ULK3: variants seen among roughly 807,000 people sequenced by gnomAD.
The protein encoded by ULK3 is unc-51 like kinase 3, also known as serine/threonine-protein kinase ULK3.
In ULK3, 54 loss-of-function variants were observed where a neutral mutation model predicts 69.4. The ratio of observed to expected loss-of-function variants is 0.78; its 90% CI spans 0.63 to 0.98. ULK3 has a LOEUF of 0.98. Among genes scored for constraint, ULK3 ranks in the 50% least tolerant of loss-of-function variants. The pLI is 0.00. For missense variants in ULK3, 558 were observed against 627.7 expected (o/e 0.89, Z 1.19); for synonymous variants, 240 against 254.5 (o/e 0.94, Z 0.54).
At chr15:74,840,372 C>T (rs1280957727) in intron 5 of ULK3, 56 bp from the exon 6 acceptor site, 24 of 1,577,294 alleles carry the variant, frequency 1.5e-5, no homozygotes, top group African/African-American at 5.4e-5. Context: ...CCTGGCCTGA[C>T]GCCCCTCAGC....
intron 13 of ULK3, 88 bp downstream of exon 13, chr15:74,838,064 T>A: frequency 1.3e-6 from 2 of 1,522,076 alleles, no homozygotes; most frequent in South Asian, 2.5e-5. Flanking sequence ...AGTGGGACAT[T>A]CCAGAGGGAA....
chr15:74,838,657 CG>C lies in ULK3; in HGVS notation c.1087del (p.Arg363GlufsTer15). 6.2e-7 allele frequency: 1 copy of C among 1,611,458 alleles called. No individual in the cohort carries two copies. Among genetic ancestry groups the C allele is most frequent in the Non-Finnish European group, 8.5e-7 (1 of 1,178,726 alleles). ...CCGGAGTCTACCTCTGAGCAGGTCT[CG>C]GGCAGAGGTCCCCTGCCTCAGCAGG... ...QALLRQGTSA[R>X]DLLREMARDK... On this transcript the variant is annotated frameshift_variant, in exon 10 of 16. Transcript: ENST00000440863. LOFTEE classifies it high-confidence loss of function.
At position 74,841,429 on chromosome 15, in the gene ULK3, C is replaced by A. The variant is rs2039474110; in HGVS notation, c.445G>T (p.Glu149Ter). 9 of 1,613,894 alleles carry A rather than the reference C, an allele frequency of 5.6e-6. No individual in the cohort carries two copies. The highest frequency in any genetic ancestry group is 7.6e-6 in the Non-Finnish European group (9 of 1,179,862). Residue 149 changes from glutamate (E) to a stop codon, truncating the protein, a stop_gained, in exon 4 of 16, where the codon GAG becomes TAG. Transcript: ENST00000440863. LOFTEE classifies it high-confidence loss of function. The stretch of plus-strand genomic sequence containing the variant: ...CCTGCCAGTTTTAGGTGGGGCTTCT[C>A]CAAGGAGCTCAGTAGAATGTTCTGT... ...KPQNILLSSL[E>*]KPHLKLADFG...
At position 74,842,711 on chromosome 15, in the gene ULK3, T is replaced by G; in HGVS notation, c.103-291A>C. ...CCGGCAGAGGCATGTCACTCAGGGT[T>G]CTAGAACCGCCCACTCTGCCTCCCA... is the stretch of plus-strand genomic sequence containing the variant. On this transcript the variant is annotated intron_variant, in intron 1 of 15. Coordinates refer to ENST00000440863, the MANE Select transcript of ULK3 (RefSeq NM_001099436.4). This position sits in a 1 kb window ranked among gnomAD's most constrained non-coding sequence, Gnocchi z 4.9. The G allele has an allele frequency of 6.6e-7, 1 of 1,526,160 alleles. No individual in the cohort carries two copies. The highest frequency in any genetic ancestry group is 2.5e-5 in the East Asian group (1 of 40,600). 94.5% of individuals were successfully genotyped at this position (1,526,160 alleles called of 1,614,324 possible).
rs558175412 is a variant in ULK3 at position 74,839,761 on chromosome 15, C to T, written c.697-48G>A. On this transcript the variant is annotated intron_variant, in intron 6 of 15. Coordinates refer to ENST00000440863, the MANE Select transcript of ULK3 (RefSeq NM_001099436.4). ...GACAGATCACACTGGGCTCCTCCAC[C>T]CCTACCCCTAGCCCAGGGGTCTGCG... 1,790 of 1,475,902 alleles carry T rather than the reference C, an allele frequency of 1.2e-3. 12 individuals carry two copies. The East Asian group carries it at 0.022, about 18-fold the overall frequency. The allele number at this position is 1,475,902 out of a possible 1,614,324, so 91.4% of individuals were successfully genotyped here.
Position 74,838,333 on chromosome 15 carries a change from G to A in ULK3, c.1179C>T (p.Ala393=), listed in dbSNP as rs55817344. The A allele has an allele frequency of 9.8e-5, 154 of 1,568,326 alleles. No individual in the cohort carries two copies. The highest frequency in any genetic ancestry group is 5.0e-4 in the Middle Eastern group (3 of 5,968). The change falls in exon 12 of 16, where the codon GCC becomes GCT. Residue 393 remains alanine (A), a synonymous_variant. Coordinates refer to ENST00000440863, the MANE Select transcript of ULK3 (RefSeq NM_001099436.4). ...GGTCCAGGGCATCCTGCTCCCCGCC[G>A]GCGGCCTCCTCCTGCAGCCACAAGG... ...ASAAMAKEEA[A]GGEQDALDLY...
rs543236726 is a variant in ULK3, at chr15:74,838,979, CCCCCACTTCCT to C, written c.999+20_999+30del. The C allele has an allele frequency of 3.8e-4, 611 of 1,587,636 alleles. 6 individuals are homozygous for C. In the Admixed American group the frequency reaches 0.01, roughly 27 times the overall value. On this transcript the variant is annotated intron_variant, in intron 9 of 15. Transcript: ENST00000440863. ...AGATCTCCGGGCCTTACCCCCTGCC[CCCCCACTTCCT>C]CATGGGGACTCTCACCCACCTTTGC... is the stretch of plus-strand genomic sequence containing the variant.
chr15:74,838,234 G>GC, intron 12 of ULK3, 32 bp downstream of exon 12: 1 of 1,564,668 alleles, frequency 6.4e-7, no homozygotes, highest in Non-Finnish European at 8.7e-7. Flanking sequence ...GTGGCCAGAG[G>GC]CCCTGTGGGG....
At chr15:74,837,314 GC>G in intron 15 of ULK3, 54 bp downstream of exon 15, 1 of 1,612,674 alleles carries the variant, frequency 6.2e-7, no homozygotes, top group Non-Finnish European at 8.5e-7. Flanking sequence ...AGAACCCAGG[GC>G]CCCCAGCCCT....
intron 10 of ULK3, 25 bp from the exon 11 acceptor site, chr15:74,838,529 G>A (rs976130369): frequency 1.0e-5 from 16 of 1,567,758 alleles, no homozygotes; most frequent in Middle Eastern, 3.3e-4. Context: ...AAGGCTCAGG[G>A]TGAGGGAAGC....
intron 14 of ULK3, 55 bp downstream of exon 14, chr15:74,837,696 C>A: frequency 6.5e-7 from 1 of 1,549,722 alleles, no homozygotes; most frequent in Non-Finnish European, 8.8e-7. Context: ...CAGCCACAAG[C>A]AGAGAGCAAC....
chr15:74,838,294 G>A lies in ULK3; in HGVS notation c.1218C>T (p.Ser406=), dbSNP rs2064104182. Residue 406 remains serine, a synonymous_variant, in exon 12 of 16, where the codon AGC becomes AGT. Coordinates refer to ENST00000440863, the MANE Select transcript of ULK3 (RefSeq NM_001099436.4). ...CCAGCAACAGCAGTAGCTCCCCCAG[G>A]CTGTGCTGGTACAGGTCCAGGGCAT... The part of the protein sequence containing the change: ...EQDALDLYQH[S]LGELLLLLAA... 1 of 1,564,528 alleles carries A rather than the reference G, an allele frequency of 6.4e-7. No homozygotes were observed.
chr15:74,837,342 G>C (rs757289827), intron 15 of ULK3, 27 bp downstream of exon 15: 3 of 1,612,876 alleles, frequency 1.9e-6, no homozygotes, highest in Non-Finnish European at 1.7e-6. Context: ...TCCTTGGATG[G>C]AGGATCGACC....
At position 74,836,369 on chromosome 15, in the gene ULK3, GC is replaced by G. The variant is rs2064017982; in HGVS notation, c.*858del. The G allele has an allele frequency of 6.6e-6, 1 of 152,276 alleles. No homozygotes were observed. The highest frequency in any genetic ancestry group is 1.9e-4 in the East Asian group (1 of 5,190). 9.4% of individuals were successfully genotyped at this position (152,276 alleles called of 1,614,324 possible). A position where few individuals can be genotyped will look rare whatever the true frequency, so the allele number is the denominator to read the frequency against. On this transcript the variant is annotated 3_prime_UTR_variant, in exon 16 of 16. Coordinates refer to ENST00000440863, the MANE Select transcript of ULK3 (RefSeq NM_001099436.4). The surrounding 1 kb of genome is among the most constrained non-coding windows in gnomAD (Gnocchi z 4.0). Reference sequence around the variant, plus strand: ...CCATTGAAGAGATGGGGAGACCCAGGCCCAGAAAGGGGAAAGAGCTTGCCCA... The same window carrying G: ...CCATTGAAGAGATGGGGAGACCCAGGCCAGAAAGGGGAAAGAGCTTGCCCA...
chr15:74,838,661 C>A lies in ULK3; in HGVS notation c.1084G>T (p.Ala362Ser). Residue 362 changes from alanine (A) to serine (S), a missense_variant, in exon 10 of 16, where the codon GCC becomes TCC. Ala to Ser is a moderately conservative substitution (Grantham distance 99, BLOSUM62 1). Coordinates refer to ENST00000440863, the MANE Select transcript of ULK3 (RefSeq NM_001099436.4). ...AGTCTACCTCTGAGCAGGTCTCGGG[C>A]AGAGGTCCCCTGCCTCAGCAGGGCC... ...NQALLRQGTS[A>S]RDLLREMARD... 6.2e-7 allele frequency: 1 copy of A among 1,611,834 alleles called. No homozygotes were observed. Among genetic ancestry groups the A allele is most frequent in the Non-Finnish European group, 8.5e-7 (1 of 1,178,896 alleles).
rs771121497 is a variant in ULK3, at chr15:74,840,288, G to C, written c.642C>G (p.Ala214=). ...YEALFGQPPF[A]SRSFSELEEK... is the part of the protein sequence containing the mutation. Reference sequence around the variant, plus strand: ...CTTCCAGCTCCGAGAACGACCTGGAGGCAAAGGGGGGCTGCCCGAAGAGGG... The same window carrying C: ...CTTCCAGCTCCGAGAACGACCTGGACGCAAAGGGGGGCTGCCCGAAGAGGG... The change falls in exon 6 of 16, where the codon GCC becomes GCG. Residue 214 remains alanine (A), a synonymous_variant. Coordinates refer to ENST00000440863, the MANE Select transcript of ULK3 (RefSeq NM_001099436.4). 1.9e-6 allele frequency: 3 copies of C among 1,610,850 alleles called. No individual in the cohort carries two copies. The highest frequency in any genetic ancestry group is 3.4e-5 in the Admixed American group (2 of 59,612).
In ULK3 at chr15:74,843,068, C is replaced by G; in HGVS notation, c.38G>C (p.Gly13Ala). The G allele has an allele frequency of 6.8e-7, 1 of 1,474,264 alleles. No homozygotes were observed. The highest frequency in any genetic ancestry group is 9.0e-7 in the Non-Finnish European group (1 of 1,106,674). The allele number at this position is 1,474,264 out of a possible 1,614,324, so 91.3% of individuals were successfully genotyped here. The change falls in exon 1 of 16, where the codon GGC becomes GCC. Residue 13 changes from glycine to alanine, a missense_variant. Coordinates refer to ENST00000440863, the MANE Select transcript of ULK3 (RefSeq NM_001099436.4). ...GPGWGPPRLD[G>A]FILTERLGSG... ...GCCCAGGCGCTCGGTGAGGATGAAG[C>G]CGTCCAGGCGCGGGGGACCCCAGCC...
chr15:74,837,772 T>C lies in ULK3; in HGVS notation c.1314A>G (p.Glu438=), dbSNP rs753294260. The part of the protein sequence containing the change: ...TEVQNLMARA[E]YLKEQVKMRE... ...CCACCTTGACCTGCTCCTTCAAGTA[T>C]TCAGCTCGGGCCATGAGGTTCTGAA... Residue 438 remains glutamate, a synonymous_variant, in exon 14 of 16, where the codon GAA becomes GAG. Coordinates refer to ENST00000440863, the MANE Select transcript of ULK3 (RefSeq NM_001099436.4). The C allele has an allele frequency of 3.9e-5, 62 of 1,599,516 alleles. No homozygotes were observed. In the African/African-American group the frequency reaches 7.8e-4, roughly 20 times the overall value.
chr15:74,839,231 C>T (rs1596395257), intron 8 of ULK3, 37 bp downstream of exon 8: 5 of 1,547,316 alleles, frequency 3.2e-6, no homozygotes, highest in Middle Eastern at 3.3e-4. Flanking sequence ...CCCATCCCTG[C>T]TGCACCCACG....
Sources: gnomAD v4.1 joint callset for allele counts on GRCh38, gnomAD v4.1.1 for gene constraint, Gnocchi (gnomAD v3.1) non-coding constraint, MANE v1.5 for transcripts, NCBI Gene and HGNC (gene_info 2026-07-23, HGNC 2026-07-21) for gene names.